SP110: variants seen among roughly 807,000 people sequenced by gnomAD.
SP110 encodes the protein SP110 nuclear body protein, also known as interferon-induced protein 41, 30kD.
SP110 carries 62 observed loss-of-function variants against 92.7 expected under a neutral mutation model. The ratio of observed to expected loss-of-function variants is 0.67; its 90% confidence interval spans 0.55 to 0.83. SP110 has a LOEUF of 0.83. Ranked by LOEUF, SP110 falls within the 40% of genes least tolerant of loss-of-function variation. The probability of loss-of-function intolerance (pLI) is 0.00; values close to 1 mark genes in which losing one functional copy is unlikely to be tolerated. For missense variants in SP110, 793 were observed against 863.9 expected (o/e 0.92, Z 1.03); for synonymous variants, 273 against 305.3 (o/e 0.89, Z 1.10).
intron 1 of SP110, among the ~76,000 whole-genome samples, chr2:230,218,882 G>T (rs1235404371): frequency 1.9e-5 from 1 of 53,400 alleles, no homozygotes; most frequent in African/African-American, 8.1e-5. Flanking sequence ...AAAAGAATAA[G>T]CCAAATGTGC....
chr2:230,175,491 G>C (rs2148708636), intron 14 of SP110, among the ~76,000 whole-genome samples: 2 of 152,284 alleles, frequency 1.3e-5, no homozygotes, highest in Middle Eastern at 6.8e-3. Context: ...GAGCACCCCT[G>C]ATTCTCAGGG....
chr2:230,219,957 A>G lies in SP110; in HGVS notation c.-85T>C, dbSNP rs199943005. The G allele has an allele frequency of 4.5e-4, 441 of 985,498 alleles. 4 individuals are homozygous for G. The South Asian group carries it at 9.4e-3, about 21-fold the overall frequency. 61.0% of individuals were successfully genotyped at this position (985,498 alleles called of 1,614,324 possible). On this transcript the variant is annotated 5_prime_UTR_variant, in exon 1 of 19. Transcript: ENST00000258381. ...TCAAGATTGGGAGAGTTACAGGGAGATGCTAGCAGGCAAAACAGGAAGTCT... is the reference window on the plus strand; with the variant it reads ...TCAAGATTGGGAGAGTTACAGGGAGGTGCTAGCAGGCAAAACAGGAAGTCT...
chr2:230,217,327 G>A (rs905982507), intron 1 of SP110, among the ~76,000 whole-genome samples: 1 of 151,744 alleles, frequency 6.6e-6, no homozygotes, highest in African/African-American at 2.4e-5. Flanking sequence ...CAGATCTAAA[G>A]GTAAGCATTC....
intron 10 of SP110, among the ~76,000 whole-genome samples, chr2:230,191,835 A>G (rs1409968337): frequency 1.3e-5 from 2 of 152,222 alleles, no homozygotes; most frequent in African/African-American, 2.4e-5. Context: ...AACAAAAAAA[A>G]AGAAAATTTC....
chr2:230,217,272 CA>C (rs887753618), intron 1 of SP110, among the ~76,000 whole-genome samples: 6 of 138,308 alleles, frequency 4.3e-5, no homozygotes, highest in Non-Finnish European at 6.2e-5. Context: ...AAAATAGAAG[CA>C]AAACCTTGAG....
chr2:230,204,697 T>C (rs2043566395), intron 8 of SP110, among the ~76,000 whole-genome samples: 1 of 152,010 alleles, frequency 6.6e-6, no homozygotes, highest in Admixed American at 6.6e-5. Context: ...GTAATTACAA[T>C]AGAGTATTTG....
rs533109883 is a variant in SP110, at chr2:230,184,844, C to G, written c.1279+1150G>C. Among the ~76,000 whole-genome samples the G allele has an allele frequency of 1.8e-4, 28 of 152,252 alleles. No individual in the cohort carries two copies. In the South Asian group the frequency reaches 5.8e-3, roughly 32 times the overall value. On this transcript the variant is annotated intron_variant, in intron 11 of 18. Transcript: ENST00000258381. ...AGGTAATGCTGTGGTAATTCACGAT[C>G]CTCCCAAATCTCAGTGGTTTATTAC...
upstream of SP110, among the ~76,000 whole-genome samples, chr2:230,221,286 A>G (rs1420561687): frequency 6.6e-6 from 1 of 151,974 alleles, no homozygotes; most frequent in Non-Finnish European, 1.5e-5. Flanking sequence ...ATCTCGAAAA[A>G]AAAAAAAAAA....
In SP110 at chr2:230,210,046, C is replaced by G. The variant is rs755581333; in HGVS notation, c.752-38G>C. 1.3e-5 allele frequency: 16 copies of G among 1,275,394 alleles called. No individual in the cohort carries two copies. In the Admixed American group the frequency reaches 2.7e-4, roughly 21 times the overall value. 79.0% of individuals were successfully genotyped at this position (1,275,394 alleles called of 1,614,324 possible). On this transcript the variant is annotated intron_variant, in intron 6 of 18. Transcript: ENST00000258381. ...ATATAAGTCATTTCAGAGCTCAGAT[C>G]CAGTGAAGAGAAAGTGCTGAGGGAA... is the stretch of plus-strand genomic sequence containing the variant.
rs2045093976 is a variant in SP110, at chr2:230,215,800, T to C, written c.148-682A>G. Among the ~76,000 whole-genome samples the C allele has an allele frequency of 2.0e-5, 3 of 152,308 alleles. No homozygotes were observed. In the South Asian group the frequency reaches 6.2e-4, roughly 32 times the overall value. Reference sequence around the variant, plus strand: ...ACTGTCAAGTGGAGAAGATGAGCATTAATAAACACAAATAAATACCCATTT... The same window carrying C: ...ACTGTCAAGTGGAGAAGATGAGCATCAATAAACACAAATAAATACCCATTT... On this transcript the variant is annotated intron_variant, in intron 2 of 18. Transcript: ENST00000258381.
In SP110 at chr2:230,211,607, A is replaced by G. The variant is rs960750804; in HGVS notation, c.668-54T>C. The G allele has an allele frequency of 3.0e-5, 32 of 1,056,894 alleles. No homozygotes were observed. Among genetic ancestry groups the G allele is most frequent in the Non-Finnish European group, 4.6e-5 (31 of 671,914 alleles). The allele number at this position is 1,056,894 out of a possible 1,614,324, so 65.5% of individuals were successfully genotyped here. A position where few individuals can be genotyped will look rare whatever the true frequency, so the allele number is the denominator to read the frequency against. ...CTCAGGAACAGCAAGCAGGGACCAG[A>G]ATGAGGAGAAAAGAGAATGCTCTAT... On this transcript the variant is annotated intron_variant, in intron 5 of 18. Transcript: ENST00000258381. The surrounding 1 kb of genome is among the most constrained non-coding windows in gnomAD (Gnocchi z 4.2).
rs542190180 is a variant in SP110 at position 230,211,111 on chromosome 2, C to T, written c.751+359G>A. On this transcript the variant is annotated intron_variant, in intron 6 of 18. Coordinates refer to ENST00000258381, the MANE Select transcript of SP110 (RefSeq NM_080424.4). This position sits in a 1 kb window ranked among gnomAD's most constrained non-coding sequence, Gnocchi z 4.2. ...AGCCTGACTCAGTTCCCTTGCTTTC[C>T]CCTGGGGTTCCTGCCACAACCCTTT... is the stretch of plus-strand genomic sequence containing the variant. Among the ~76,000 whole-genome samples the T allele has an allele frequency of 1.1e-3, 161 of 152,316 alleles. No individual in the cohort carries two copies. Among genetic ancestry groups the T allele is most frequent in the African/African-American group, 3.8e-3 (156 of 41,574 alleles).
At chr2:230,216,702 T>G in intron 2 of SP110, 79 bp downstream of exon 2, 2 of 1,546,356 alleles carry the variant, frequency 1.3e-6, no homozygotes, top group Non-Finnish European at 1.8e-6. Context: ...GAAGCCCTGG[T>G]GGTTTGTGGT....
chr2:230,177,232 G>C, intron 14 of SP110: 1 of 420,690 alleles, frequency 2.4e-6, no homozygotes, highest in Non-Finnish European at 4.4e-6. Context: ...AGGATGCAGG[G>C]GAGTGGTTGC....
At position 230,211,526 on chromosome 2, in the gene SP110, A is replaced by AT. The variant is rs750780366; in HGVS notation, c.694dup (p.Ile232AsnfsTer4). 1 of 1,611,342 alleles carries AT rather than the reference A, an allele frequency of 6.2e-7. No homozygotes were observed. Among genetic ancestry groups the AT allele is most frequent in the Non-Finnish European group, 8.5e-7 (1 of 1,177,460 alleles). ...CTCTTGAGGGTCTTCTTTATCTCTTATTTGGGGGATCAGGTTGTCACTGGC... is the reference window on the plus strand; with the variant it reads ...CTCTTGAGGGTCTTCTTTATCTCTTATTTTGGGGGATCAGGTTGTCACTGGC... On this transcript the variant is annotated frameshift_variant, in exon 6 of 19. Coordinates refer to ENST00000258381, the MANE Select transcript of SP110 (RefSeq NM_080424.4). LOFTEE classifies it high-confidence loss of function. The surrounding 1 kb of genome is among the most constrained non-coding windows in gnomAD (Gnocchi z 4.2).
At chr2:230,173,941 C>T (rs1165623424) in intron 14 of SP110, 9 of 152,242 alleles carry the variant, frequency 5.9e-5, no homozygotes. Context: ...CTCGACAGTT[C>T]TGCCACCATA....
At chr2:230,185,468 G>A (rs372498054) in intron 11 of SP110, among the ~76,000 whole-genome samples, 2 of 152,322 alleles carry the variant, frequency 1.3e-5, no homozygotes, top group African/African-American at 2.4e-5. Context: ...GACACATCTT[G>A]TTATTTCTAG....
At chr2:230,225,400 C>T in intron 1 of SP110, 1 of 282,504 alleles carries the variant, frequency 3.5e-6, no homozygotes, top group Admixed American at 5.0e-5. Context: ...AGCCCAGGCT[C>T]ACTAAGGTGC....
chr2:230,173,243 A>G (rs1000450181), intron 14 of SP110: 7 of 401,712 alleles, frequency 1.7e-5, no homozygotes, highest in Admixed American at 1.0e-4. Context: ...GCCTGCTGGC[A>G]AGCTTGTGCT....
Sources: allele counts gnomAD v4.1 joint callset (sites outside exome capture counted in the v4.1 genomes callset), GRCh38; gene constraint gnomAD v4.1.1; non-coding constraint Gnocchi (gnomAD v3.1); transcripts MANE v1.5; gene names NCBI Gene and HGNC (gene_info 2026-07-23, HGNC 2026-07-21).